The following GALNT2 variants were observed in gnomAD, a reference collection of about 807,000 sequenced individuals.
The protein encoded by GALNT2 is UDP-GalNAc:polypeptide N-acetylgalactosaminyltransferase 2.
GALNT2 carries 31 observed loss-of-function variants against 81.4 expected under a neutral mutation model. That is an observed-to-expected ratio of 0.38 (90% confidence interval 0.29 to 0.51). The LOEUF (loss-of-function observed/expected upper bound fraction) is 0.51, where lower values mean the gene tolerates loss of function less well. Among genes scored for constraint, GALNT2 ranks in the 20% least tolerant of loss-of-function variants. The pLI is 0.87. For missense variants in GALNT2, 629 were observed against 765.7 expected (o/e 0.82, Z 2.11); for synonymous variants, 303 against 287.4 (o/e 1.05, Z -0.55).
chr1:230,227,875 A>G lies in GALNT2; in HGVS notation c.375-8139A>G, dbSNP rs146121571. ...AAAATTGTATATTGTGTTGCAGGCC[A>G]TAATCACTGCCATCTTAAGAATTGC... is the stretch of plus-strand genomic sequence containing the variant. On this transcript the variant is annotated intron_variant, in intron 3 of 15. Transcript: ENST00000366672. Among the ~76,000 whole-genome samples, 40 of 152,340 alleles carry G rather than the reference A, an allele frequency of 2.6e-4. 1 individual carries two copies. The East Asian group carries it at 7.5e-3, about 29-fold the overall frequency.
chr1:230,100,657 A>G (rs1660376844), intron 1 of GALNT2, among the ~76,000 whole-genome samples: 1 of 151,964 alleles, frequency 6.6e-6, no homozygotes, highest in African/African-American at 2.4e-5. Context: ...TGTGAGGCGT[A>G]TGTAGTGTTC....
chr1:230,170,890 A>T (rs1662772027), intron 1 of GALNT2, among the ~76,000 whole-genome samples: 1 of 152,142 alleles, frequency 6.6e-6, no homozygotes, highest in Non-Finnish European at 1.5e-5. Flanking sequence ...AAACACCCCC[A>T]CCAGGCCTCA....
intron 1 of GALNT2, among the ~76,000 whole-genome samples, chr1:230,129,485 CTTT>C (rs1158911731): frequency 6.6e-6 from 1 of 152,002 alleles, no homozygotes; most frequent in African/African-American, 2.4e-5. Flanking sequence ...GTCTGGCTAA[CTTT>C]TTAATTTTTT....
At chr1:230,158,584 AAGC>A (rs1662332946) in intron 1 of GALNT2, among the ~76,000 whole-genome samples, 1 of 152,220 alleles carries the variant, frequency 6.6e-6, no homozygotes, top group South Asian at 2.1e-4. Context: ...ACAAGAGTGG[AAGC>A]AGCTGGTCAG....
chr1:230,136,786 G>T (rs1427237320), intron 1 of GALNT2, among the ~76,000 whole-genome samples: 1 of 152,224 alleles, frequency 6.6e-6, no homozygotes, highest in Non-Finnish European at 1.5e-5. Flanking sequence ...TGCTGCTAGT[G>T]CCATTGTACG....
At chr1:230,144,516 T>C (rs536401001) in intron 1 of GALNT2, among the ~76,000 whole-genome samples, 1 of 152,290 alleles carries the variant, frequency 6.6e-6, no homozygotes, top group East Asian at 1.9e-4. Context: ...TTATGTCGAC[T>C]TCAGTATTTT....
intron 2 of GALNT2, among the ~76,000 whole-genome samples, chr1:230,201,337 C>T (rs530752173): frequency 1.3e-5 from 2 of 152,260 alleles, no homozygotes; most frequent in Non-Finnish European, 2.9e-5. Context: ...CCCCAAGCAT[C>T]ATTTCCACGG....
At chr1:230,203,324 AT>A (rs1305473544) in intron 3 of GALNT2, 34 bp downstream of exon 3, 1 of 1,606,978 alleles carries the variant, frequency 6.2e-7, no homozygotes, top group Non-Finnish European at 8.5e-7. Flanking sequence ...CTGCAGCTTC[AT>A]TTGCTTTCAC....
intron 3 of GALNT2, among the ~76,000 whole-genome samples, chr1:230,229,242 A>G (rs904890710): frequency 3.3e-5 from 5 of 152,242 alleles, no homozygotes; most frequent in African/African-American, 1.2e-4. Flanking sequence ...TCCTACAGCC[A>G]AATAGTAGGT....
At position 230,256,725 on chromosome 1, in the gene GALNT2, C is replaced by T. The variant is rs181823741; in HGVS notation, c.1136+1381C>T. Among the ~76,000 whole-genome samples the T allele has an allele frequency of 2.4e-4, 37 of 152,196 alleles. 1 individual carries two copies. The highest frequency in any genetic ancestry group is 7.3e-5 in the Non-Finnish European group (5 of 68,038). On this transcript the variant is annotated intron_variant, in intron 11 of 15. Coordinates refer to ENST00000366672, the MANE Select transcript of GALNT2 (RefSeq NM_004481.5). ...AGTGTCCTTCTAGGGAATTCTCTTA[C>T]ATGCTAAAGATAGAACAGCGTACAA...
intron 3 of GALNT2, among the ~76,000 whole-genome samples, chr1:230,208,150 T>A (rs1287062097): frequency 6.6e-6 from 1 of 152,166 alleles, no homozygotes; most frequent in Non-Finnish European, 1.5e-5. Context: ...TGAAGTTTCT[T>A]TTTTGTAGTA....
At chr1:230,177,371 C>A (rs908189292) in intron 1 of GALNT2, among the ~76,000 whole-genome samples, 1 of 152,220 alleles carries the variant, frequency 6.6e-6, no homozygotes, top group African/African-American at 2.4e-5. Flanking sequence ...GGAAAATGGC[C>A]AGCTGACAAT....
chr1:230,198,438 C>G (rs1026710610), intron 2 of GALNT2, among the ~76,000 whole-genome samples: 5 of 126,138 alleles, frequency 4.0e-5, no homozygotes, highest in Admixed American at 8.0e-5. Context: ...AGGGGCAGGA[C>G]AGCAGCCCAG....
intron 3 of GALNT2, among the ~76,000 whole-genome samples, chr1:230,211,950 A>G (rs1205348774): frequency 6.6e-6 from 1 of 152,180 alleles, no homozygotes; most frequent in Non-Finnish European, 1.5e-5. Context: ...CTCAGTTTGC[A>G]GAGCAGAGGT....
At chr1:230,264,993 A>T (rs887440534) in intron 13 of GALNT2, 15 of 332,042 alleles carry the variant, frequency 4.5e-5, no homozygotes, top group Non-Finnish European at 7.1e-5. Context: ...AAAAAAAAAA[A>T]TGACCTGATA....
intron 1 of GALNT2, among the ~76,000 whole-genome samples, chr1:230,149,790 G>A (rs182976050): frequency 2.1e-3 from 321 of 152,224 alleles, no homozygotes; most frequent in Non-Finnish European, 3.6e-3. Flanking sequence ...ATAGCATGGC[G>A]TGAATAACTG....
chr1:230,209,269 T>A (rs1000344454), intron 3 of GALNT2, among the ~76,000 whole-genome samples: 1 of 152,088 alleles, frequency 6.6e-6, no homozygotes, highest in Non-Finnish European at 1.5e-5. Context: ...GTTTCTTACG[T>A]TGAAGTCCCA....
chr1:230,200,314 G>A (rs1287975919), intron 2 of GALNT2, among the ~76,000 whole-genome samples: 2 of 152,010 alleles, frequency 1.3e-5, no homozygotes, highest in African/African-American at 2.4e-5. Flanking sequence ...CACCTGCCTC[G>A]GCCTCCCCAA....
chr1:230,073,279 C>G (rs1659431293), intron 1 of GALNT2, among the ~76,000 whole-genome samples: 1 of 152,166 alleles, frequency 6.6e-6, no homozygotes, highest in African/African-American at 2.4e-5. Flanking sequence ...CATGATGAAC[C>G]CAGTATGGAG....
Sources: gnomAD v4.1 joint callset for allele counts (sites outside exome capture counted in the v4.1 genomes callset) on GRCh38, gnomAD v4.1.1 for gene constraint, MANE v1.5 for transcripts, NCBI Gene and HGNC (gene_info 2026-07-23, HGNC 2026-07-21) for gene names.